NBAS: variants seen among roughly 807,000 people sequenced by gnomAD.
NBAS encodes NBAS subunit of NRZ tethering complex, also known as NAG/BC035112 fusion.
In NBAS, 219 loss-of-function variants were observed where a neutral mutation model predicts 302.5. The ratio of observed to expected loss-of-function variants is 0.72; its 90% confidence interval spans 0.65 to 0.81. The LOEUF is 0.81. Ranked by LOEUF, NBAS falls within the 30% of genes least tolerant of loss-of-function variation. The pLI is 0.00. For synonymous variants in NBAS, 1,118 were observed against 1,021.6 expected (o/e 1.09, Z -1.80); for missense variants, 2,932 against 2,841.6 (o/e 1.03, Z -0.72).
intron 9 of NBAS, among the ~76,000 whole-genome samples, chr2:15,516,709 T>G (rs1411215628): frequency 7.0e-6 from 1 of 143,108 alleles, no homozygotes; most frequent in Non-Finnish European, 1.5e-5. Flanking sequence ...GGCTACAGAG[T>G]GAGACTCCAT....
the NBAS span, among the ~76,000 whole-genome samples, chr2:14,991,646 A>G: frequency 6.6e-6 from 1 of 152,210 alleles, no homozygotes; most frequent in Non-Finnish European, 1.5e-5. Context: ...GGAGCCTTTT[A>G]AAACTTCCCC....
intron 44 of NBAS, among the ~76,000 whole-genome samples, chr2:15,240,446 CAAAAAA>C (rs1175235771): frequency 1.1e-4 from 8 of 75,380 alleles, no homozygotes; most frequent in East Asian, 2.7e-4. Flanking sequence ...ACTAAAAATA[CAAAAAA>C]AAAAAAAAAA....
At chr2:15,077,685 T>C in the NBAS span, among the ~76,000 whole-genome samples, 187 of 149,720 alleles carry the variant, frequency 1.2e-3, 2 homozygotes, top group East Asian at 0.02. Flanking sequence ...TCTTTCTTTT[T>C]TTTTCTTTTT....
chr2:15,315,445 G>A (rs1440749769), intron 38 of NBAS, among the ~76,000 whole-genome samples: 1 of 152,186 alleles, frequency 6.6e-6, no homozygotes, highest in Non-Finnish European at 1.5e-5. Flanking sequence ...AAATGCTGGG[G>A]AAGAAAAATG....
chr2:14,889,997 A>G, the NBAS span, among the ~76,000 whole-genome samples: 1 of 152,274 alleles, frequency 6.6e-6, no homozygotes, highest in Non-Finnish European at 1.5e-5. Context: ...AAAATACATT[A>G]AAATCATTGT....
At chr2:14,824,395 G>A in the NBAS span, among the ~76,000 whole-genome samples, 119 of 152,272 alleles carry the variant, frequency 7.8e-4, no homozygotes, top group Non-Finnish European at 1.1e-3. Flanking sequence ...ATGCTATTAA[G>A]AGGTAGGTTT....
intron 26 of NBAS, chr2:15,397,869 A>G (rs1675946954): frequency 1.1e-5 from 2 of 179,146 alleles, no homozygotes; most frequent in Non-Finnish European, 2.3e-5. Context: ...AAAATTAAAA[A>G]TGTCCTGCTT....
intron 30 of NBAS, among the ~76,000 whole-genome samples, chr2:15,377,826 GTAT>G (rs1324887833): frequency 6.6e-6 from 1 of 152,146 alleles, no homozygotes; most frequent in East Asian, 1.9e-4. Context: ...GAAATGTATA[GTAT>G]TATCTCATTT....
chr2:15,249,662 A>G (rs1428881153), intron 44 of NBAS, among the ~76,000 whole-genome samples: 5 of 152,236 alleles, frequency 3.3e-5, no homozygotes, highest in Non-Finnish European at 7.3e-5. Flanking sequence ...ATTTCTATAC[A>G]CCAATAATGA....
chr2:15,044,840 C>G, the NBAS span, among the ~76,000 whole-genome samples: 1 of 152,198 alleles, frequency 6.6e-6, no homozygotes, highest in Non-Finnish European at 1.5e-5. Context: ...TGAAAGGCAT[C>G]AGGATGATTC....
chr2:15,445,391 A>G (rs1388747511), intron 21 of NBAS, among the ~76,000 whole-genome samples: 12 of 149,122 alleles, frequency 8.0e-5, no homozygotes, highest in African/African-American at 2.0e-4. Context: ...CATTCTCAGT[A>G]AACTATCGCA....
chr2:15,362,990 C>A (rs140724802), intron 32 of NBAS, among the ~76,000 whole-genome samples: 2 of 151,762 alleles, frequency 1.3e-5, no homozygotes, highest in Non-Finnish European at 2.9e-5. Flanking sequence ...TGGGAGGCTG[C>A]GACAGGTGAA....
chr2:15,206,060 C>A (rs1666128189), intron 48 of NBAS, among the ~76,000 whole-genome samples: 1 of 152,156 alleles, frequency 6.6e-6, no homozygotes, highest in South Asian at 2.1e-4. Flanking sequence ...CAGAAGAAAA[C>A]AGGAAGATGT....
At chr2:15,483,265 C>A (rs1482890911) in intron 12 of NBAS, 2 of 325,352 alleles carry the variant, frequency 6.1e-6, no homozygotes, top group Non-Finnish European at 1.3e-5. Context: ...AACTCACAGT[C>A]TGGTGAAATT....
At position 15,406,478 on chromosome 2, in the gene NBAS, A is replaced by G. The variant is rs560295114; in HGVS notation, c.2938-4177T>C. ...AAGTACTAGAAGAAAACGTGAGAGA[A>G]TTCTTCCTTAACTCTGAGTATGAAA... On this transcript the variant is annotated intron_variant, in intron 25 of 51. Transcript: ENST00000281513. Among the ~76,000 whole-genome samples, 5 of 152,320 alleles carry G rather than the reference A, an allele frequency of 3.3e-5. No homozygotes were observed. The South Asian group carries it at 1.0e-3, about 32-fold the overall frequency.
At chr2:15,314,646 C>A (rs971320137) in intron 38 of NBAS, among the ~76,000 whole-genome samples, 1 of 152,122 alleles carries the variant, frequency 6.6e-6, no homozygotes, top group Non-Finnish European at 1.5e-5. Flanking sequence ...ACTAAACAAA[C>A]CCATAATCTT....
intron 23 of NBAS, 147 bp downstream of exon 23, chr2:15,424,168 T>C (rs1220975956): frequency 2.3e-5 from 24 of 1,030,938 alleles, no homozygotes; most frequent in Non-Finnish European, 3.4e-5. Flanking sequence ...ATGCACAGGA[T>C]AACAAAGAAA....
chr2:15,554,877 A>C (rs966066885), intron 3 of NBAS, among the ~76,000 whole-genome samples: 1 of 152,118 alleles, frequency 6.6e-6, no homozygotes, highest in Non-Finnish European at 1.5e-5. Context: ...CACTTTACTC[A>C]TGTGATGCAA....
intron 48 of NBAS, among the ~76,000 whole-genome samples, chr2:15,206,635 T>A (rs556807338): frequency 4.2e-3 from 639 of 152,352 alleles, no homozygotes; most frequent in Non-Finnish European, 6.3e-3. Context: ...GCCACTGCTC[T>A]ATGCAGCCTT....
Sources: gnomAD v4.1 joint callset for allele counts (sites outside exome capture counted in the v4.1 genomes callset) on GRCh38, gnomAD v4.1.1 for gene constraint, MANE v1.5 for transcripts, NCBI Gene and HGNC (gene_info 2026-07-23, HGNC 2026-07-21) for gene names.